CNOT6: variants seen among roughly 807,000 people sequenced by gnomAD.
The protein encoded by CNOT6 is carbon catabolite repression 4 protein.
A neutral mutation model predicts 61.2 loss-of-function variants in CNOT6; 12 were observed. That is an observed-to-expected ratio of 0.20 (90% CI 0.13 to 0.32). The LOEUF (loss-of-function observed/expected upper bound fraction) is 0.32, where lower values mean the gene tolerates loss of function less well. Ranked by LOEUF, CNOT6 falls within the 10% of genes least tolerant of loss-of-function variation. The pLI is 1.00. For synonymous variants in CNOT6, 225 were observed against 240.6 expected (o/e 0.94, Z 0.60); for missense variants, 405 against 663.9 (o/e 0.61, Z 4.28).
At chr5:180,570,603 T>C (rs563660373) in intron 10 of CNOT6, among the ~76,000 whole-genome samples, 3 of 152,210 alleles carry the variant, frequency 2.0e-5, no homozygotes, top group Non-Finnish European at 4.4e-5. Context: ...CCAAGACCCA[T>C]TTCAGCATTG....
intron 1 of CNOT6, among the ~76,000 whole-genome samples, chr5:180,503,751 G>A (rs541631776): frequency 9.9e-5 from 15 of 151,470 alleles, no homozygotes; most frequent in Non-Finnish European, 2.1e-4. Context: ...GACTACAGGC[G>A]TGCGCCACCA....
At chr5:180,559,626 C>T (rs1158631899) in intron 4 of CNOT6, among the ~76,000 whole-genome samples, 1 of 152,126 alleles carries the variant, frequency 6.6e-6, no homozygotes, top group Non-Finnish European at 1.5e-5. Context: ...AGTCGTAAGT[C>T]TGCCATTTTA....
chr5:180,517,040 C>T (rs1757666511), intron 1 of CNOT6, among the ~76,000 whole-genome samples: 1 of 152,214 alleles, frequency 6.6e-6, no homozygotes, highest in Non-Finnish European at 1.5e-5. Context: ...TAAACGTTTT[C>T]TACCTTATGA....
At chr5:180,510,798 A>G (rs1296208059) in intron 1 of CNOT6, among the ~76,000 whole-genome samples, 1 of 151,958 alleles carries the variant, frequency 6.6e-6, no homozygotes, top group Non-Finnish European at 1.5e-5. Flanking sequence ...AATAATGGAA[A>G]ATAGCACAGT....
intron 1 of CNOT6, among the ~76,000 whole-genome samples, chr5:180,523,289 A>G (rs1188361013): frequency 3.3e-5 from 5 of 152,114 alleles, no homozygotes; most frequent in Non-Finnish European, 7.4e-5. Flanking sequence ...TTGAAGGTTA[A>G]GTAGAGATGG....
chr5:180,539,833 C>T (rs535104961), intron 2 of CNOT6, among the ~76,000 whole-genome samples: 97 of 152,096 alleles, frequency 6.4e-4, no homozygotes, highest in African/African-American at 2.2e-3. Flanking sequence ...TCATGATCCG[C>T]CCGCCTCGGC....
At chr5:180,537,319 C>T (rs1269973426) in intron 2 of CNOT6, among the ~76,000 whole-genome samples, 1 of 152,134 alleles carries the variant, frequency 6.6e-6, no homozygotes, top group African/African-American at 2.4e-5. Context: ...ATTTTTTTGC[C>T]ATCCTGATAG....
intron 2 of CNOT6, among the ~76,000 whole-genome samples, chr5:180,538,884 A>G (rs1247425816): frequency 6.6e-6 from 1 of 151,324 alleles, no homozygotes; most frequent in African/African-American, 2.4e-5. Flanking sequence ...CTCTCAAAAG[A>G]AAAAAAATTG....
intron 2 of CNOT6, among the ~76,000 whole-genome samples, chr5:180,543,762 T>G (rs1406367021): frequency 2.0e-5 from 3 of 152,222 alleles, no homozygotes; most frequent in Non-Finnish European, 4.4e-5. Context: ...CTTTTTTATT[T>G]TGCTATCGTA....
chr5:180,543,255 T>C (rs1759136810), intron 2 of CNOT6, among the ~76,000 whole-genome samples: 1 of 152,110 alleles, frequency 6.6e-6, no homozygotes, highest in Non-Finnish European at 1.5e-5. Flanking sequence ...GAGACGGGGT[T>C]TCATCGTGTT....
chr5:180,573,824 C>T (rs546376964), intron 11 of CNOT6, among the ~76,000 whole-genome samples, 164 bp from the exon 12 acceptor site: 5 of 152,204 alleles, frequency 3.3e-5, no homozygotes, highest in East Asian at 1.9e-4. Context: ...ACATTTTGCA[C>T]GGGGACCATT....
At chr5:180,502,999 T>G (rs1238890176) in intron 1 of CNOT6, among the ~76,000 whole-genome samples, 1 of 152,208 alleles carries the variant, frequency 6.6e-6, no homozygotes, top group Non-Finnish European at 1.5e-5. Context: ...ACTAAAGAAT[T>G]GTCATTTGGT....
intron 1 of CNOT6, among the ~76,000 whole-genome samples, chr5:180,514,864 G>C (rs751673014): frequency 1.3e-5 from 2 of 151,816 alleles, no homozygotes; most frequent in Non-Finnish European, 2.9e-5. Flanking sequence ...CCTGATTTTG[G>C]TTGTGAAGAA....
chr5:180,522,759 C>T (rs1309059991), intron 1 of CNOT6, among the ~76,000 whole-genome samples: 2 of 152,174 alleles, frequency 1.3e-5, no homozygotes, highest in South Asian at 2.1e-4. Context: ...AGTGATCCTT[C>T]TGCCTTAGCT....
chr5:180,510,667 AT>A (rs1757350736), intron 1 of CNOT6, among the ~76,000 whole-genome samples: 2 of 152,206 alleles, frequency 1.3e-5, no homozygotes, highest in African/African-American at 2.4e-5. Flanking sequence ...TTGTCTTTAT[AT>A]GACATTTAAA....
intron 1 of CNOT6, among the ~76,000 whole-genome samples, chr5:180,502,811 T>C (rs1756938675): frequency 6.6e-6 from 1 of 152,200 alleles, no homozygotes; most frequent in Non-Finnish European, 1.5e-5. Flanking sequence ...AAATCAAAAA[T>C]TGTATTGCAC....
chr5:180,509,828 G>GTTTT (rs10707986), intron 1 of CNOT6, among the ~76,000 whole-genome samples: 2 of 120,838 alleles, frequency 1.7e-5, no homozygotes, highest in Non-Finnish European at 3.5e-5. Context: ...ATACCTTGGT[G>GTTTT]TTTTTTTTTT....
At chr5:180,499,014 C>T (rs539538104) in intron 1 of CNOT6, among the ~76,000 whole-genome samples, 25 of 152,268 alleles carry the variant, frequency 1.6e-4, no homozygotes, top group African/African-American at 5.8e-4. Context: ...TGGCTTTAAA[C>T]TCCTGACCTC....
At chr5:180,505,510 C>T (rs1300772849) in intron 1 of CNOT6, among the ~76,000 whole-genome samples, 1 of 149,038 alleles carries the variant, frequency 6.7e-6, no homozygotes, top group East Asian at 2.0e-4. Flanking sequence ...CCCACCTCGG[C>T]CTCCCAAAGT....
Sources: allele counts gnomAD v4.1 joint callset (sites outside exome capture counted in the v4.1 genomes callset), GRCh38; gene constraint gnomAD v4.1.1; transcripts MANE v1.5; gene names NCBI Gene and HGNC (gene_info 2026-07-23, HGNC 2026-07-21).